Variants in CACNA1E observed in about 807,000 individuals in gnomAD.
CACNA1E encodes calcium voltage-gated channel subunit alpha1 E.
CACNA1E carries 40 observed loss-of-function variants against 259.2 expected under a neutral mutation model. That is an observed-to-expected ratio of 0.15 (90% CI 0.12 to 0.20). The LOEUF is 0.20. Among genes scored for constraint, CACNA1E ranks in the 10% least tolerant of loss-of-function variants. The pLI is 1.00. For missense variants in CACNA1E, 1,874 were observed against 3,040.1 expected (o/e 0.62, Z 9.02); for synonymous variants, 1,104 against 1,138.5 (o/e 0.97, Z 0.61).
At chr1:181,722,826 A>G (rs199980) in intron 16 of CACNA1E, among the ~76,000 whole-genome samples, 134,764 of 152,160 alleles carry the variant, frequency 0.89, 59,876 homozygotes, top group African/African-American at 0.96. Context: ...TACGTTTTCT[A>G]CCCTGAAAAC....
At chr1:181,450,241 GC>G (rs1260817866) in intron 2 of CACNA1E, among the ~76,000 whole-genome samples, 1 of 152,194 alleles carries the variant, frequency 6.6e-6, no homozygotes, top group Admixed American at 6.5e-5. Flanking sequence ...CCCACCAGGT[GC>G]CCTCCCCCAA....
intron 9 of CACNA1E, 88 bp from the exon 10 acceptor site, chr1:181,715,952 G>T (rs1241080369): frequency 2.5e-6 from 2 of 798,276 alleles, no homozygotes; most frequent in Non-Finnish European, 4.3e-6. Context: ...CTCACACAAG[G>T]CATCTTGCCT....
chr1:181,513,048 A>C (rs540755781), intron 3 of CACNA1E, among the ~76,000 whole-genome samples: 2 of 152,210 alleles, frequency 1.3e-5, no homozygotes, highest in African/African-American at 4.8e-5. Flanking sequence ...ACAAAAAAAG[A>C]AAAGTATTGT....
At chr1:181,561,325 A>G (rs1006038540) in intron 3 of CACNA1E, among the ~76,000 whole-genome samples, 1 of 152,188 alleles carries the variant, frequency 6.6e-6, no homozygotes, top group African/African-American at 2.4e-5. Context: ...CATTTAGCAA[A>G]ATCCATTCTT....
intron 8 of CACNA1E, among the ~76,000 whole-genome samples, 184 bp downstream of exon 8, chr1:181,711,253 T>C (rs547969622): frequency 1.3e-5 from 2 of 152,256 alleles, no homozygotes; most frequent in Non-Finnish European, 2.9e-5. Context: ...CTAACTGTCC[T>C]GTCTATCAAA....
At chr1:181,612,950 TA>T (rs1654880191) in intron 6 of CACNA1E, among the ~76,000 whole-genome samples, 2 of 151,812 alleles carry the variant, frequency 1.3e-5, no homozygotes, top group South Asian at 4.2e-4. Flanking sequence ...AGTTAAGATT[TA>T]TTTTTTTATG....
At chr1:181,471,849 T>C (rs1181026321) in intron 2 of CACNA1E, among the ~76,000 whole-genome samples, 6 of 152,186 alleles carry the variant, frequency 3.9e-5, no homozygotes, top group Non-Finnish European at 4.4e-5. Flanking sequence ...AGAATTTTCA[T>C]ACATATCAAC....
intron 25 of CACNA1E, among the ~76,000 whole-genome samples, chr1:181,747,450 A>ATTTTTTTTTT (rs60393528): frequency 8.1e-6 from 1 of 122,874 alleles, no homozygotes. Context: ...AAAATCTGTC[A>ATTTTTTTTTT]TTTTTTTTTT....
intron 1 of CACNA1E, among the ~76,000 whole-genome samples, chr1:181,409,666 T>C (rs1372724186): frequency 6.6e-6 from 1 of 152,196 alleles, no homozygotes; most frequent in Non-Finnish European, 1.5e-5. Context: ...TTGTCTGAAT[T>C]GCTTGAGATC....
intron 7 of CACNA1E, among the ~76,000 whole-genome samples, chr1:181,710,184 A>C (rs1008607877): frequency 6.6e-6 from 1 of 151,338 alleles, no homozygotes; most frequent in Non-Finnish European, 1.5e-5. Flanking sequence ...CTGCCTCATG[A>C]TCTCCCCTCC....
intron 1 of CACNA1E, among the ~76,000 whole-genome samples, chr1:181,324,963 A>G (rs1485627408): frequency 2.0e-5 from 3 of 152,156 alleles, no homozygotes; most frequent in Non-Finnish European, 4.4e-5. Context: ...TGTTCTTCCC[A>G]TGCTGCACAG....
At chr1:181,388,255 C>T (rs887021670) in intron 1 of CACNA1E, among the ~76,000 whole-genome samples, 5 of 152,162 alleles carry the variant, frequency 3.3e-5, no homozygotes, top group African/African-American at 7.2e-5. Flanking sequence ...TCCTTATCTG[C>T]GGTAACGTTC....
At chr1:181,640,398 C>A (rs1032723061) in intron 6 of CACNA1E, among the ~76,000 whole-genome samples, 3 of 152,198 alleles carry the variant, frequency 2.0e-5, no homozygotes, top group Non-Finnish European at 2.9e-5. Flanking sequence ...CAAAGACTTA[C>A]AAGCCATGGT....
intron 2 of CACNA1E, among the ~76,000 whole-genome samples, chr1:181,438,221 T>A (rs1274502355): frequency 6.6e-6 from 1 of 152,206 alleles, no homozygotes; most frequent in Non-Finnish European, 1.5e-5. Context: ...CACGGCCACT[T>A]CCACCCACTG....
intron 8 of CACNA1E, 76 bp downstream of exon 8, chr1:181,711,145 C>T: frequency 1.0e-6 from 1 of 993,322 alleles, no homozygotes; most frequent in Non-Finnish European, 1.6e-6. Flanking sequence ...TCCCAATGCT[C>T]CCATTCAAGG....
At chr1:181,548,774 A>G (rs1647810978) in intron 3 of CACNA1E, among the ~76,000 whole-genome samples, 1 of 152,234 alleles carries the variant, frequency 6.6e-6, no homozygotes, top group African/African-American at 2.4e-5. Flanking sequence ...GTGTCTCAGA[A>G]TGTGTCTCTA....
At chr1:181,371,180 A>G (rs1654685824) in intron 1 of CACNA1E, among the ~76,000 whole-genome samples, 1 of 152,160 alleles carries the variant, frequency 6.6e-6, no homozygotes. Context: ...ATCTTTGCTG[A>G]ATGCATAGTT....
intron 7 of CACNA1E, among the ~76,000 whole-genome samples, chr1:181,671,261 A>C (rs1036339985): frequency 6.6e-6 from 1 of 152,136 alleles, no homozygotes; most frequent in Admixed American, 6.5e-5. Context: ...CCTCAGCTCA[A>C]GCAATCTTCC....
intron 6 of CACNA1E, among the ~76,000 whole-genome samples, chr1:181,599,548 C>T (rs1653537678): frequency 6.6e-6 from 1 of 152,168 alleles, no homozygotes; most frequent in South Asian, 2.1e-4. Flanking sequence ...GCACTTATCA[C>T]CTCTTGTGTG....
Sources: gnomAD v4.1 joint callset for allele counts (sites outside exome capture counted in the v4.1 genomes callset) on GRCh38, gnomAD v4.1.1 for gene constraint, MANE v1.5 for transcripts, NCBI Gene and HGNC (gene_info 2026-07-23, HGNC 2026-07-21) for gene names.